CHID1: variants seen among roughly 807,000 people sequenced by gnomAD.
CHID1 encodes chitinase domain containing 1, also known as chitinase domain-containing protein 1.
A neutral mutation model predicts 55.4 loss-of-function variants in CHID1; 44 were observed. The ratio of observed to expected loss-of-function variants is 0.79; its 90% CI spans 0.62 to 1.02. The LOEUF (loss-of-function observed/expected upper bound fraction) is 1.02. Among genes scored for constraint, CHID1 ranks in the 50% least tolerant of loss-of-function variants. The pLI is 0.00. For missense variants in CHID1, 491 were observed against 515.3 expected (o/e 0.95, Z 0.46); for synonymous variants, 216 against 212.9 (o/e 1.01, Z -0.13).
intron 7 of CHID1, among the ~76,000 whole-genome samples, chr11:896,795 C>T (rs1851340047): frequency 6.7e-6 from 1 of 148,928 alleles, no homozygotes; most frequent in Non-Finnish European, 1.5e-5. Flanking sequence ...CAGCCTCCAC[C>T]CCAGACACAA....
rs774048290 is a variant in CHID1 at position 902,268 on chromosome 11, G to A, written c.324C>T (p.Pro108=). Residue 108 remains proline (P), a synonymous_variant, in exon 4 of 13, where the codon CCC becomes CCT. Coordinates refer to ENST00000323578, the MANE Select transcript of CHID1 (RefSeq NM_023947.4). ...CACGTCTCTTCAGCTGCAGCCAGAC[G>A]GGTGAGATCTGTGTGAACTTGCTCC... ...VFGSKFTQIS[P]VWLQLKRRGR... 30 of 1,613,892 alleles carry A rather than the reference G, an allele frequency of 1.9e-5. No individual in the cohort carries two copies. The African/African-American group carries it at 3.2e-4, about 17-fold the overall frequency.
chr11:901,448 C>A (rs997910605), intron 4 of CHID1, among the ~76,000 whole-genome samples: 1 of 152,234 alleles, frequency 6.6e-6, no homozygotes, highest in African/African-American at 2.4e-5. Context: ...ACTTCCCCTG[C>A]CATTTCTCTC....
At chr11:879,141 C>T (rs1038264031) in intron 10 of CHID1, among the ~76,000 whole-genome samples, 1 of 152,178 alleles carries the variant, frequency 6.6e-6, no homozygotes, top group African/African-American at 2.4e-5. Context: ...CCACAGTGTC[C>T]GGTCACACCT....
intron 4 of CHID1, 82 bp downstream of exon 4, chr11:902,116 T>TCA (rs747022139): frequency 3.3e-5 from 50 of 1,512,536 alleles, no homozygotes; most frequent in Admixed American, 6.9e-5. Context: ...ACATACCTAC[T>TCA]CACACACACA....
chr11:906,921 G>C (rs530902923), intron 1 of CHID1, among the ~76,000 whole-genome samples: 5 of 152,110 alleles, frequency 3.3e-5, no homozygotes, highest in Non-Finnish European at 2.9e-5. Context: ...CCAGCTTCTC[G>C]GGACGCTGAG....
chr11:901,091 G>GGGGC lies in CHID1; in HGVS notation c.395-115_395-112dup, dbSNP rs572623689. ...CGCACAATACGCAATGGGAAGGGCA[G>GGGGC]GGGCGGGCAGGCAGGTGTGAGAACC... On this transcript the variant is annotated intron_variant, in intron 4 of 12. Coordinates refer to ENST00000323578, the MANE Select transcript of CHID1 (RefSeq NM_023947.4). 651 of 966,280 alleles carry GGGGC rather than the reference G, an allele frequency of 6.7e-4. 3 individuals carry two copies. The highest frequency in any genetic ancestry group is 7.8e-4 in the Non-Finnish European group (515 of 657,890). 59.9% of individuals were successfully genotyped at this position (966,280 alleles called of 1,614,324 possible).
chr11:870,487 T>C lies in CHID1; in HGVS notation c.972A>G (p.Thr324=). Reference sequence around the variant, plus strand: ...CCATCCGGGGCCTGTGGTCCTTCAGTGTCTGGATGTACCTGGGGAGACCAG... The same window carrying C: ...CCATCCGGGGCCTGTGGTCCTTCAGCGTCTGGATGTACCTGGGGAGACCAG... ...EPVVGARYIQ[T]LKDHRPRMVW... The change falls in exon 11 of 13, where the codon ACA becomes ACG. Residue 324 remains threonine, a synonymous_variant. Transcript: ENST00000323578. The C allele has an allele frequency of 3.1e-6, 5 of 1,610,166 alleles. No homozygotes were observed. The highest frequency in any genetic ancestry group is 2.5e-6 in the Non-Finnish European group (3 of 1,178,404).
intron 1 of CHID1, among the ~76,000 whole-genome samples, chr11:906,469 C>A (rs1852224011): frequency 6.6e-6 from 1 of 152,132 alleles, no homozygotes; most frequent in South Asian, 2.1e-4. Context: ...AAGCTCCTGG[C>A]CTCCCGTGAT....
intron 10 of CHID1, among the ~76,000 whole-genome samples, chr11:879,013 A>AT (rs1849706650): frequency 1.3e-5 from 2 of 151,944 alleles, no homozygotes; most frequent in Middle Eastern, 3.4e-3. Flanking sequence ...CGCCCGGCTA[A>AT]TTTTTTGTAT....
chr11:903,410 G>A lies in CHID1; in HGVS notation c.112-299C>T, dbSNP rs564564110. The stretch of plus-strand genomic sequence containing the variant: ...TGGTGGCTCCCTCCTTGCATGTGAG[G>A]GTGGACGGTCTGCACCAGCTCTGGC... On this transcript the variant is annotated intron_variant, in intron 2 of 12. Transcript: ENST00000323578. Among the ~76,000 whole-genome samples, 11 of 152,360 alleles carry A rather than the reference G, an allele frequency of 7.2e-5. No individual in the cohort carries two copies. In the East Asian group the frequency reaches 1.9e-3, roughly 27 times the overall value.
intron 10 of CHID1, 126 bp from the exon 11 acceptor site, chr11:870,625 C>A: frequency 1.5e-6 from 1 of 676,766 alleles, no homozygotes; most frequent in Admixed American, 2.3e-5. Context: ...CCCCAGTGGT[C>A]TGGGGGACAA....
At chr11:908,702 T>C in intron 1 of CHID1, 1 of 746,908 alleles carries the variant, frequency 1.3e-6, no homozygotes, top group Non-Finnish European at 1.6e-6. Flanking sequence ...TCCAGGGGAC[T>C]GGCCCAGGAG....
At chr11:893,656 C>T (rs1028926870) in intron 7 of CHID1, 137 bp from the exon 8 acceptor site, 38 of 627,458 alleles carry the variant, frequency 6.1e-5, no homozygotes, top group Non-Finnish European at 1.4e-5. Flanking sequence ...TGGGCCCCTT[C>T]GTGGGAACTT....
At chr11:907,121 G>A (rs1438919177) in intron 1 of CHID1, among the ~76,000 whole-genome samples, 1 of 152,174 alleles carries the variant, frequency 6.6e-6, no homozygotes, top group Non-Finnish European at 1.5e-5. Context: ...TGTATCTTCT[G>A]GTCTTCCTGC....
intron 7 of CHID1, among the ~76,000 whole-genome samples, chr11:897,389 T>C (rs189975475): frequency 6.6e-6 from 1 of 152,284 alleles, no homozygotes; most frequent in Non-Finnish European, 1.5e-5. Context: ...AATCTCTGGT[T>C]AATAGACCCA....
chr11:886,835 G>GTCGGTTCCATCC (rs1850442165), intron 8 of CHID1, among the ~76,000 whole-genome samples: 1 of 152,188 alleles, frequency 6.6e-6, no homozygotes, highest in African/African-American at 2.4e-5. Flanking sequence ...CGTTGGCTGC[G>GTCGGTTCCATCC]TCGGTTCCAT....
rs369846526 is a variant in CHID1 at position 883,124 on chromosome 11, C to T, written c.959+24G>A. 195 of 1,601,350 alleles carry T rather than the reference C, an allele frequency of 1.2e-4. No homozygotes were observed. The South Asian group carries it at 1.6e-3, about 13-fold the overall frequency. ...CCCGCGCCCAGTGACACCTTCAGCA[C>T]GGCAGGGAGAGCCCTTGGCTCACCT... On this transcript the variant is annotated intron_variant, in intron 10 of 12. Coordinates refer to ENST00000323578, the MANE Select transcript of CHID1 (RefSeq NM_023947.4).
At chr11:910,548 C>G in intron 1 of CHID1, 1 of 1,052,824 alleles carries the variant, frequency 9.5e-7, no homozygotes, top group Non-Finnish European at 1.2e-6. Flanking sequence ...CACCCCCGCT[C>G]TCGCTCACCC....
intron 1 of CHID1, among the ~76,000 whole-genome samples, chr11:906,786 C>T (rs914225873): frequency 4.6e-5 from 7 of 151,450 alleles, no homozygotes; most frequent in Non-Finnish European, 7.4e-5. Flanking sequence ...CACACCACGT[C>T]GGGAGGCCAA....
Sources: gnomAD v4.1 joint callset for allele counts (sites outside exome capture counted in the v4.1 genomes callset) on GRCh38, gnomAD v4.1.1 for gene constraint, MANE v1.5 for transcripts, NCBI Gene and HGNC (gene_info 2026-07-23, HGNC 2026-07-21) for gene names.